Variants in CLYBL observed in about 807,000 individuals in gnomAD.
The protein encoded by CLYBL is citramalyl-CoA lyase, mitochondrial.
CLYBL carries 31 observed loss-of-function variants against 38.9 expected under a neutral mutation model. The observed-to-expected ratio is 0.80, with a 90% confidence interval of 0.60 to 1.08. The LOEUF (loss-of-function observed/expected upper bound fraction) is 1.08, where lower values mean the gene tolerates loss of function less well. CLYBL is among the 50% of genes least tolerant of loss of function. CLYBL has a pLI of 0.00. For missense variants in CLYBL, 434 were observed against 411.6 expected, an observed-to-expected ratio of 1.05 and a Z score of -0.47; for synonymous variants, 171 against 158.6, an observed-to-expected ratio of 1.08 and a Z score of -0.59.
chr13:99,693,671 C>G (rs1025229792), intron 1 of CLYBL, among the ~76,000 whole-genome samples: 1 of 152,050 alleles, frequency 6.6e-6, no homozygotes, highest in African/African-American at 2.4e-5. Flanking sequence ...GGCACACTCC[C>G]TGTTTGACAT....
chr13:99,615,618 T>A (rs1051639176), intron 1 of CLYBL, among the ~76,000 whole-genome samples: 2 of 152,136 alleles, frequency 1.3e-5, no homozygotes, highest in African/African-American at 2.4e-5. Context: ...TTCATATCGG[T>A]CACTTGGGTA....
chr13:99,754,248 A>G (rs2049011700), intron 1 of CLYBL, among the ~76,000 whole-genome samples: 1 of 151,570 alleles, frequency 6.6e-6, no homozygotes. Context: ...CATTTCTACA[A>G]AAAGTACAAA....
At chr13:99,908,011 T>C (rs1236185340) in intron 9 of CLYBL, among the ~76,000 whole-genome samples, 1 of 152,060 alleles carries the variant, frequency 6.6e-6, no homozygotes, top group Non-Finnish European at 1.5e-5. Context: ...AGCACTCGGA[T>C]TGGCAAAAAA....
chr13:99,846,757 T>TA (rs1414543272), intron 2 of CLYBL, among the ~76,000 whole-genome samples: 1 of 152,222 alleles, frequency 6.6e-6, no homozygotes, highest in Non-Finnish European at 1.5e-5. Context: ...ATAAACTTTA[T>TA]AATCTACTTA....
At chr13:99,608,016 A>G (rs2046556169) in intron 1 of CLYBL, among the ~76,000 whole-genome samples, 1 of 140,824 alleles carries the variant, frequency 7.1e-6, no homozygotes, top group South Asian at 2.5e-4. Flanking sequence ...AAGTGCTGGG[A>G]TTACAGGCGT....
intron 7 of CLYBL, among the ~76,000 whole-genome samples, chr13:99,878,330 TC>T (rs1349572348): frequency 1.3e-5 from 2 of 152,240 alleles, no homozygotes; most frequent in Non-Finnish European, 2.9e-5. Context: ...AAATCTGTTT[TC>T]CAAAGAAAGA....
intron 1 of CLYBL, among the ~76,000 whole-genome samples, chr13:99,737,375 G>A (rs1043657635): frequency 3.3e-5 from 5 of 152,178 alleles, no homozygotes; most frequent in African/African-American, 9.7e-5. Context: ...GGTTTTACAT[G>A]TATCTTTTCA....
In CLYBL at chr13:99,859,054, G is replaced by A. The variant is rs2051533083; in HGVS notation, c.438+5G>A. 6 of 1,610,418 alleles carry A rather than the reference G, an allele frequency of 3.7e-6. No homozygotes were observed. Among genetic ancestry groups the A allele is most frequent in the Non-Finnish European group, 5.1e-6 (6 of 1,178,444 alleles). ...AGTCCTGAAGAAATCCAGTGGGTGA[G>A]TAGCTAATGCTTTGCCTTAAGACTC... is the stretch of plus-strand genomic sequence containing the variant. On this transcript the variant is annotated splice_donor_5th_base_variant and intron_variant, in intron 3 of 8. Transcript: ENST00000339105.
At position 99,715,899 on chromosome 13, in the gene CLYBL, T is replaced by C. The variant is rs1054809325; in HGVS notation, c.63-56925T>C. Among the ~76,000 whole-genome samples the C allele has an allele frequency of 2.6e-5, 4 of 152,186 alleles. 1 individual carries two copies. Among genetic ancestry groups the C allele is most frequent in the Non-Finnish European group, 5.9e-5 (4 of 68,032 alleles). On this transcript the variant is annotated intron_variant, in intron 1 of 8. Transcript: ENST00000339105. ...ACATCTCTTATAAGGGATTGATTCT[T>C]CTGTTATATCTGTTTCTGTGGATTT...
intron 1 of CLYBL, among the ~76,000 whole-genome samples, chr13:99,754,087 CAAAAAAAAAA>C (rs71121003): frequency 0.26 from 11,746 of 45,364 alleles, 1,164 homozygotes; most frequent in East Asian, 0.55. Context: ...AACTCGGTCT[CAAAAAAAAAA>C]AAAAAAAAAA....
At chr13:99,614,677 T>A (rs2139182778) in intron 1 of CLYBL, among the ~76,000 whole-genome samples, 1 of 152,264 alleles carries the variant, frequency 6.6e-6, no homozygotes, top group East Asian at 1.9e-4. Context: ...TGCTCCTACA[T>A]ACCGTTATCC....
At chr13:99,692,308 T>TTTTTTTG (rs2047918250) in intron 1 of CLYBL, among the ~76,000 whole-genome samples, 1 of 151,592 alleles carries the variant, frequency 6.6e-6, no homozygotes. Flanking sequence ...TTGTTTGTTT[T>TTTTTTTG]TTTGAGACAG....
chr13:99,681,426 C>T (rs898721249), intron 1 of CLYBL, among the ~76,000 whole-genome samples: 2 of 152,098 alleles, frequency 1.3e-5, no homozygotes. Context: ...ATATATTATG[C>T]ATATCTACCT....
chr13:99,844,380 T>C (rs2051151303), intron 2 of CLYBL, among the ~76,000 whole-genome samples: 2 of 152,210 alleles, frequency 1.3e-5, no homozygotes, highest in Non-Finnish European at 2.9e-5. Context: ...TGAAAGCCCT[T>C]TGAAAAGTTA....
At chr13:99,692,931 A>G (rs928648287) in intron 1 of CLYBL, among the ~76,000 whole-genome samples, 1 of 151,672 alleles carries the variant, frequency 6.6e-6, no homozygotes, top group Admixed American at 6.6e-5. Flanking sequence ...TGGCCCAGTA[A>G]TGTTCAATTG....
At chr13:99,661,331 G>GT (rs1219610926) in intron 1 of CLYBL, among the ~76,000 whole-genome samples, 1 of 152,032 alleles carries the variant, frequency 6.6e-6, no homozygotes, top group Non-Finnish European at 1.5e-5. Flanking sequence ...AGTTACTCTA[G>GT]TTTTTTTAGT....
intron 2 of CLYBL, among the ~76,000 whole-genome samples, chr13:99,800,885 C>G (rs1304467578): frequency 2.4e-5 from 3 of 124,308 alleles, no homozygotes; most frequent in Non-Finnish European, 5.1e-5. Context: ...AATTAAAAAA[C>G]AACAACAACA....
intron 2 of CLYBL, chr13:99,784,132 A>T (rs950965017): frequency 1.3e-5 from 2 of 152,244 alleles, no homozygotes; most frequent in Admixed American, 6.5e-5. Context: ...GAAGTCAATC[A>T]TCATGCTTGT....
intron 2 of CLYBL, among the ~76,000 whole-genome samples, chr13:99,789,425 A>G (rs1001834169): frequency 6.6e-6 from 1 of 152,208 alleles, no homozygotes; most frequent in African/African-American, 2.4e-5. Flanking sequence ...TTCAAAGAAC[A>G]TCTTTATTTC....
Sources: gnomAD v4.1 joint callset for allele counts (sites outside exome capture counted in the v4.1 genomes callset) on GRCh38, gnomAD v4.1.1 for gene constraint, MANE v1.5 for transcripts, NCBI Gene and HGNC (gene_info 2026-07-23, HGNC 2026-07-21) for gene names.